PI4K2B: variants seen among roughly 807,000 people sequenced by gnomAD.
The protein encoded by PI4K2B is phosphatidylinositol 4-kinase type 2 beta.
Under a neutral mutation model 56.6 loss-of-function variants are expected in PI4K2B, and 46 were observed. That is an observed-to-expected ratio of 0.81 (90% confidence interval 0.64 to 1.04). The LOEUF is 1.04. PI4K2B is among the 50% of genes least tolerant of loss of function. The pLI is 0.00. For missense variants in PI4K2B, 556 were observed against 607.7 expected (o/e 0.91, Z 0.89); for synonymous variants, 211 against 223.8 (o/e 0.94, Z 0.51).
At chr4:25,264,149 G>A (rs968990503) in intron 7 of PI4K2B, among the ~76,000 whole-genome samples, 1 of 152,090 alleles carries the variant, frequency 6.6e-6, no homozygotes, top group East Asian at 1.9e-4. Flanking sequence ...ATATTTGGTA[G>A]AACTATATTT....
chr4:25,234,167 GA>G lies in PI4K2B; in HGVS notation c.5del (p.Glu2GlyfsTer46). On this transcript the variant is annotated frameshift_variant, in exon 1 of 10. Coordinates refer to ENST00000264864, the MANE Select transcript of PI4K2B (RefSeq NM_018323.4). LOFTEE classifies it high-confidence loss of function. M[E>X]DPSEPDRLAS... ...GCGGAGGGAGCAGAGGGAGTCCATG[GA>G]GGATCCCTCCGAGCCCGACCGGTTG... 7.3e-7 allele frequency: 1 copy of G among 1,376,744 alleles called. No homozygotes were observed. Among genetic ancestry groups the G allele is most frequent in the South Asian group, 1.7e-5 (1 of 59,198 alleles). The allele number at this position is 1,376,744 out of a possible 1,614,324, so 85.3% of individuals were successfully genotyped here. A position where few individuals can be genotyped will look rare whatever the true frequency, so the allele number is the denominator to read the frequency against.
At chr4:25,245,550 C>T (rs572999356) in intron 1 of PI4K2B, among the ~76,000 whole-genome samples, 5 of 152,280 alleles carry the variant, frequency 3.3e-5, no homozygotes, top group Middle Eastern at 3.4e-3. Flanking sequence ...GGCAAACCAA[C>T]GCTCCCAACT....
At chr4:25,253,146 A>G (rs144539974) in intron 2 of PI4K2B, among the ~76,000 whole-genome samples, 1 of 152,284 alleles carries the variant, frequency 6.6e-6, no homozygotes, top group Non-Finnish European at 1.5e-5. Flanking sequence ...GTTTAATGTC[A>G]TTTCCAAAGT....
chr4:25,258,464 C>T (rs913092581), intron 4 of PI4K2B: 14 of 173,500 alleles, frequency 8.1e-5, no homozygotes, highest in Non-Finnish European at 4.5e-5. Context: ...CCCACCTCAG[C>T]CTCCCAAAGT....
At chr4:25,263,717 C>G (rs774973482) in intron 6 of PI4K2B, 33 bp from the exon 7 acceptor site, 1 of 776,302 alleles carries the variant, frequency 1.3e-6, no homozygotes, top group Non-Finnish European at 2.2e-6. Flanking sequence ...TATATAGGTT[C>G]TTTTATCAAC....
chr4:25,238,156 G>A (rs1715347465), intron 1 of PI4K2B, among the ~76,000 whole-genome samples: 1 of 152,206 alleles, frequency 6.6e-6, no homozygotes, highest in Admixed American at 6.5e-5. Context: ...TACACAAGAT[G>A]TACCTCAGAT....
At chr4:25,239,734 G>C (rs1001371222) in intron 1 of PI4K2B, among the ~76,000 whole-genome samples, 6 of 152,224 alleles carry the variant, frequency 3.9e-5, no homozygotes, top group Non-Finnish European at 8.8e-5. Flanking sequence ...TGGGCGCCGA[G>C]GCCGAGGAGG....
intron 1 of PI4K2B, among the ~76,000 whole-genome samples, chr4:25,239,220 C>G (rs1407213445): frequency 6.6e-6 from 1 of 152,238 alleles, no homozygotes; most frequent in Non-Finnish European, 1.5e-5. Context: ...GAGCTGCCTG[C>G]CAGTCCCGTG....
At chr4:25,274,286 T>G (rs937206810) in intron 9 of PI4K2B, among the ~76,000 whole-genome samples, 1 of 152,118 alleles carries the variant, frequency 6.6e-6, no homozygotes, top group Non-Finnish European at 1.5e-5. Flanking sequence ...AGCCCACAAG[T>G]TTATACCACC....
chr4:25,263,792 G>A lies in PI4K2B; in HGVS notation c.1021G>A (p.Ala341Thr). ...TGATGAAGAATTCCTTATTAAAATAGCTGCAATTGATAATGGTCTAGCATT... is the reference window on the plus strand; with the variant it reads ...TGATGAAGAATTCCTTATTAAAATAACTGCAATTGATAATGGTCTAGCATT... ...IDDEEFLIKI[A>T]AIDNGLAFPF... The change falls in exon 7 of 10, where the codon GCT (alanine) becomes ACT (threonine). Residue 341 changes from alanine (A) to threonine (T), a missense_variant. Physicochemically the swap from Ala to Thr is moderately conservative, Grantham distance 58. Transcript: ENST00000264864. 1 of 1,537,616 alleles carries A rather than the reference G, an allele frequency of 6.5e-7. No homozygotes were observed. The highest frequency in any genetic ancestry group is 9.0e-7 in the Non-Finnish European group (1 of 1,111,982).
chr4:25,247,657 CCAAAAGCCCTGAGGCTGGGTT>C (rs1172963308), intron 1 of PI4K2B, among the ~76,000 whole-genome samples: 3 of 152,246 alleles, frequency 2.0e-5, no homozygotes, highest in Non-Finnish European at 4.4e-5. Context: ...GTGAATAGCG[CCAAAAGCCCTGAGGCTGGGTT>C]CAATGCACCA....
intron 9 of PI4K2B, among the ~76,000 whole-genome samples, chr4:25,272,795 C>G (rs1044583449): frequency 2.0e-5 from 3 of 151,714 alleles, no homozygotes; most frequent in South Asian, 4.2e-4. Context: ...CCCAGGAGTT[C>G]AAGGTTGTAA....
intron 5 of PI4K2B, 116 bp from the exon 6 acceptor site, chr4:25,260,408 C>G (rs1301273279): frequency 2.4e-6 from 1 of 418,040 alleles, no homozygotes. Flanking sequence ...CTTTAATATG[C>G]TACAGATAAC....
chr4:25,241,997 A>G (rs1169016421), intron 1 of PI4K2B, among the ~76,000 whole-genome samples: 3 of 152,192 alleles, frequency 2.0e-5, no homozygotes, highest in African/African-American at 7.2e-5. Flanking sequence ...ATCTCGCTGT[A>G]TCCAGGGATG....
rs916377750 is a variant in PI4K2B, at chr4:25,277,887, T to C, written c.*700T>C. 9 of 152,286 alleles carry C rather than the reference T, an allele frequency of 5.9e-5. No individual in the cohort carries two copies. The East Asian group carries it at 1.7e-3, about 29-fold the overall frequency. The allele number at this position is 152,286 out of a possible 1,614,324, so 9.4% of individuals were successfully genotyped here. On this transcript the variant is annotated 3_prime_UTR_variant, in exon 10 of 10. Coordinates refer to ENST00000264864, the MANE Select transcript of PI4K2B (RefSeq NM_018323.4). ...TGAGGGGAATAATAGAAAATTAAGG[T>C]AGATCCCCAATATTTTGGAATACCA... is the stretch of plus-strand genomic sequence containing the variant.
At chr4:25,235,993 A>G (rs543439131) in intron 1 of PI4K2B, among the ~76,000 whole-genome samples, 359 of 122,678 alleles carry the variant, frequency 2.9e-3, no homozygotes, top group Non-Finnish European at 5.3e-3. Flanking sequence ...CATCTCTATA[A>G]AAAATAAACA....
At chr4:25,270,409 G>A (rs189651101) in intron 9 of PI4K2B, among the ~76,000 whole-genome samples, 4 of 151,514 alleles carry the variant, frequency 2.6e-5, no homozygotes, top group East Asian at 3.9e-4. Flanking sequence ...GCAATGGTGC[G>A]ATCTCAGCTC....
intron 9 of PI4K2B, chr4:25,276,741 G>A: frequency 1.0e-6 from 1 of 985,254 alleles, no homozygotes. Flanking sequence ...CCTGGACATA[G>A]GCAGGATATT....
intron 1 of PI4K2B, 136 bp downstream of exon 1, chr4:25,234,567 C>T: frequency 1.7e-6 from 1 of 583,960 alleles, no homozygotes; most frequent in Non-Finnish European, 2.5e-6. Flanking sequence ...CTCCCGAGCT[C>T]GGACCGGCGC....
Sources: gnomAD v4.1 joint callset for allele counts (sites outside exome capture counted in the v4.1 genomes callset) on GRCh38, gnomAD v4.1.1 for gene constraint, MANE v1.5 for transcripts, NCBI Gene and HGNC (gene_info 2026-07-23, HGNC 2026-07-21) for gene names.